RBFOX1: variants seen among roughly 807,000 people sequenced by gnomAD.
The protein encoded by RBFOX1 is RNA binding fox-1 homolog 1.
In RBFOX1, 8 loss-of-function variants were observed where a neutral mutation model predicts 57.7. The observed-to-expected ratio is 0.14, with a 90% CI of 0.08 to 0.25. The LOEUF (loss-of-function observed/expected upper bound fraction) is 0.25, where lower values mean the gene tolerates loss of function less well. Ranked by LOEUF, RBFOX1 falls within the 10% of genes least tolerant of loss-of-function variation. The probability of loss-of-function intolerance (pLI) is 1.00; values close to 1 mark genes in which losing one functional copy is unlikely to be tolerated. For synonymous variants in RBFOX1, 326 were observed against 222.4 expected (o/e 1.47, Z -4.15); for missense variants, 611 against 548.5 (o/e 1.11, Z -1.14).
At chr16:6,760,838 C>G (rs968234509) in intron 3 of RBFOX1, among the ~76,000 whole-genome samples, 1 of 152,116 alleles carries the variant, frequency 6.6e-6, no homozygotes, top group African/African-American at 2.4e-5. Context: ...CAGTGTGTGG[C>G]CCCAGGGAGT....
chr16:6,145,916 CCTGA>C, intron 1 of RBFOX1, among the ~76,000 whole-genome samples: 1 of 152,268 alleles, frequency 6.6e-6, no homozygotes, highest in East Asian at 1.9e-4. Context: ...TGATTTTTCA[CCTGA>C]CTGAGGATGA....
intron 4 of RBFOX1, among the ~76,000 whole-genome samples, chr16:7,364,790 T>C (rs59623414): frequency 0.041 from 6,252 of 152,240 alleles, 276 homozygotes; most frequent in East Asian, 0.15. Context: ...TTGGAAGAAG[T>C]CAGAAGAAAT....
At chr16:6,703,183 A>G (rs954883965) in intron 3 of RBFOX1, among the ~76,000 whole-genome samples, 4 of 152,184 alleles carry the variant, frequency 2.6e-5, no homozygotes, top group African/African-American at 7.2e-5. Context: ...GTTGATAGAC[A>G]TTTGGGTTGT....
intron 3 of RBFOX1, among the ~76,000 whole-genome samples, chr16:6,740,178 A>G (rs903654220): frequency 3.3e-5 from 5 of 152,214 alleles, no homozygotes; most frequent in Non-Finnish European, 7.3e-5. Flanking sequence ...ACATGCTCAC[A>G]TTAGCTGATG....
intron 1 of RBFOX1, among the ~76,000 whole-genome samples, chr16:5,273,457 G>A (rs1220716600): frequency 9.2e-5 from 14 of 151,850 alleles, no homozygotes; most frequent in Non-Finnish European, 7.4e-5. Flanking sequence ...AAGAGAGGCT[G>A]GAATTGGGCT....
At chr16:5,739,082 T>C (rs1387444077) in intron 3 of RBFOX1, among the ~76,000 whole-genome samples, 1 of 152,264 alleles carries the variant, frequency 6.6e-6, no homozygotes, top group Non-Finnish European at 1.5e-5. Context: ...CTAACAGTTC[T>C]GTTGCCTTAT....
chr16:6,101,536 G>C (rs768605496), intron 1 of RBFOX1, among the ~76,000 whole-genome samples: 2 of 151,578 alleles, frequency 1.3e-5, no homozygotes, highest in Non-Finnish European at 1.5e-5. Flanking sequence ...GCCTAGGCTG[G>C]AGTGCAATGA....
Position 7,224,177 on chromosome 16 carries a change from T to C in RBFOX1, c.27+172079T>C, listed in dbSNP as rs1361696719. Among the ~76,000 whole-genome samples the C allele has an allele frequency of 1.6e-5, 2 of 126,888 alleles. 1 individual carries two copies. Among genetic ancestry groups the C allele is most frequent in the Non-Finnish European group, 3.2e-5 (2 of 62,340 alleles). The allele number at this position is 126,888 out of a possible 152,430, so 83.2% of individuals were successfully genotyped here. ...AAAAAGGCTCAGTTGAGGAACTCAC[T>C]CAGCTCACTCAGTGCAATACTATAA... On this transcript the variant is annotated intron_variant, in intron 4 of 15. Transcript: ENST00000550418.
chr16:6,052,804 T>TATAATAATAATAATAGTA (rs2095568506), intron 1 of RBFOX1, among the ~76,000 whole-genome samples: 2 of 144,238 alleles, frequency 1.4e-5, no homozygotes, highest in Non-Finnish European at 3.0e-5. Context: ...TAAAATAAAA[T>TATAATAATAATAATAGTA]ATAATAATAA....
intron 3 of RBFOX1, among the ~76,000 whole-genome samples, chr16:6,703,196 C>G (rs762974894): frequency 2.0e-5 from 3 of 152,078 alleles, no homozygotes; most frequent in Non-Finnish European, 4.4e-5. Flanking sequence ...TGGGTTGTTT[C>G]CACCTGTTGG....
intron 3 of RBFOX1, among the ~76,000 whole-genome samples, chr16:6,816,855 C>A (rs983183379): frequency 6.6e-6 from 1 of 152,034 alleles, no homozygotes; most frequent in African/African-American, 2.4e-5. Flanking sequence ...AACAGTCCTC[C>A]CACTTCACCC....
chr16:6,700,491 C>G (rs1403689919), intron 3 of RBFOX1, among the ~76,000 whole-genome samples: 1 of 151,940 alleles, frequency 6.6e-6, no homozygotes, highest in Non-Finnish European at 1.5e-5. Flanking sequence ...AACCCTGTCT[C>G]TACTAAAATA....
chr16:7,314,700 A>G (rs1346619373), intron 4 of RBFOX1, among the ~76,000 whole-genome samples: 1 of 152,190 alleles, frequency 6.6e-6, no homozygotes, highest in Non-Finnish European at 1.5e-5. Flanking sequence ...AGATCACATT[A>G]GAATCCTCCG....
chr16:5,484,317 T>A (rs1226091781), intron 2 of RBFOX1, among the ~76,000 whole-genome samples: 3 of 152,204 alleles, frequency 2.0e-5, no homozygotes, highest in Non-Finnish European at 4.4e-5. Context: ...GATACTAGTT[T>A]CCTGCCACAC....
At chr16:6,081,816 A>G (rs923912756) in intron 1 of RBFOX1, among the ~76,000 whole-genome samples, 8 of 152,200 alleles carry the variant, frequency 5.3e-5, no homozygotes, top group African/African-American at 2.4e-5. Flanking sequence ...GGTAGATTCC[A>G]GCTACCTGCA....
chr16:5,680,139 G>T (rs7205245), intron 3 of RBFOX1, among the ~76,000 whole-genome samples: 1 of 152,142 alleles, frequency 6.6e-6, no homozygotes, highest in East Asian at 1.9e-4. Flanking sequence ...GGAGAAGGAA[G>T]ATATGTGTGG....
At chr16:6,923,822 C>G (rs555961337) in intron 3 of RBFOX1, among the ~76,000 whole-genome samples, 35 of 152,234 alleles carry the variant, frequency 2.3e-4, no homozygotes, top group African/African-American at 7.5e-4. Flanking sequence ...CATGAAACTT[C>G]AGGCAAGTGA....
chr16:6,008,572 T>C (rs921679918), intron 4 of RBFOX1, among the ~76,000 whole-genome samples: 1 of 152,002 alleles, frequency 6.6e-6, no homozygotes, highest in Non-Finnish European at 1.5e-5. Flanking sequence ...GAGGAAGAGT[T>C]GAAGGAGCTG....
rs570505411 is a variant in RBFOX1 at position 5,318,756 on chromosome 16, G to T, written c.219+78651G>T. ...AGGTACTGCTCTAAAGGGATTTGCA[G>T]ATATTAAGGTCTCAGTTTGGCTGAC... On this transcript the variant is annotated intron_variant, in intron 1 of 2. Transcript: ENST00000585867. Among the ~76,000 whole-genome samples the T allele has an allele frequency of 3.9e-5, 6 of 152,302 alleles. No homozygotes were observed. The South Asian group carries it at 1.0e-3, about 26-fold the overall frequency.
Sources: allele counts gnomAD v4.1 joint callset (sites outside exome capture counted in the v4.1 genomes callset), GRCh38; gene constraint gnomAD v4.1.1; transcripts MANE v1.5; gene names NCBI Gene and HGNC (gene_info 2026-07-23, HGNC 2026-07-21).